RASGEF1B: variants seen among roughly 807,000 people sequenced by gnomAD.
RASGEF1B encodes RasGEF domain family member 1B.
In RASGEF1B, 30 loss-of-function variants were observed where a neutral mutation model predicts 65.7. The ratio of observed to expected loss-of-function variants is 0.46; its 90% CI spans 0.34 to 0.62. The LOEUF is 0.62. Among genes scored for constraint, RASGEF1B ranks in the 20% least tolerant of loss-of-function variants. RASGEF1B has a pLI of 0.01. For synonymous variants in RASGEF1B, 175 were observed against 194.8 expected, an observed-to-expected ratio of 0.90 and a Z score of 0.85; for missense variants, 495 against 580.1, an observed-to-expected ratio of 0.85 and a Z score of 1.51.
intron 6 of RASGEF1B, 47 bp from the exon 7 acceptor site, chr4:81,445,885 T>C (rs1722006447): frequency 7.4e-7 from 1 of 1,354,194 alleles, no homozygotes; most frequent in African/African-American, 1.4e-5. Context: ...AAAAAAACAA[T>C]GTAGTGGACT....
chr4:81,458,736 C>T (rs1163758317), intron 2 of RASGEF1B, among the ~76,000 whole-genome samples: 1 of 152,190 alleles, frequency 6.6e-6, no homozygotes, highest in Non-Finnish European at 1.5e-5. Context: ...ATACTCAACA[C>T]TCTGAATCGT....
intron 1 of RASGEF1B, among the ~76,000 whole-genome samples, chr4:81,466,674 G>T (rs545386037): frequency 1.3e-5 from 2 of 149,988 alleles, no homozygotes; most frequent in African/African-American, 4.9e-5. Flanking sequence ...CAGGAGAATT[G>T]TTTGAACCTG....
In RASGEF1B at chr4:81,471,130, G is replaced by T. The variant is rs1449119638; in HGVS notation, c.-7+640C>A. ...CCAAGTTTGCCAGGTGAACACCGAA[G>T]GATGACAGCACATCACCTTGTCGGT... On this transcript the variant is annotated intron_variant, in intron 1 of 13. Coordinates refer to ENST00000264400, the MANE Select transcript of RASGEF1B (RefSeq NM_152545.3). 3 of 152,344 alleles carry T rather than the reference G, an allele frequency of 2.0e-5. No homozygotes were observed. The East Asian group carries it at 5.8e-4, about 29-fold the overall frequency. The allele number at this position is 152,344 out of a possible 1,614,324, so 9.4% of individuals were successfully genotyped here.
chr4:81,432,475 T>G lies in RASGEF1B; in HGVS notation c.1325-104A>C, dbSNP rs1721464737. ...TGAGCCAAACTCCATAGCAAAATACTCTTCAAAATATCAAGTCATGACCAA... is the reference window on the plus strand; with the variant it reads ...TGAGCCAAACTCCATAGCAAAATACGCTTCAAAATATCAAGTCATGACCAA... On this transcript the variant is annotated intron_variant, in intron 12 of 13. Transcript: ENST00000264400. 1.2e-5 allele frequency: 8 copies of G among 652,466 alleles called. 1 individual carries two copies. The South Asian group carries it at 1.7e-4, about 13-fold the overall frequency. The allele number at this position is 652,466 out of a possible 1,614,324, so 40.4% of individuals were successfully genotyped here.
intron 1 of RASGEF1B, among the ~76,000 whole-genome samples, chr4:81,469,652 T>TACAC (rs111913026): frequency 2.8e-4 from 37 of 132,410 alleles, no homozygotes; most frequent in African/African-American, 8.3e-4. Flanking sequence ...TATGTGTATA[T>TACAC]ATACACACAC....
At chr4:81,469,284 T>C (rs2110002342) in intron 1 of RASGEF1B, among the ~76,000 whole-genome samples, 1 of 152,252 alleles carries the variant, frequency 6.6e-6, no homozygotes, top group African/African-American at 2.4e-5. Flanking sequence ...TCTAGATTCT[T>C]CTCCCAAGCA....
intron 4 of RASGEF1B, chr4:81,456,388 T>C (rs111465598): frequency 5.0e-6 from 3 of 605,464 alleles, no homozygotes; most frequent in African/African-American, 1.9e-5. Context: ...TAAAACATAC[T>C]TGCAACATAA....
chr4:81,446,290 C>T (rs141765559), intron 6 of RASGEF1B, among the ~76,000 whole-genome samples: 2 of 152,268 alleles, frequency 1.3e-5, no homozygotes, highest in Admixed American at 1.3e-4. Context: ...GCAGGAAAAT[C>T]GCTTGAACCC....
chr4:81,453,121 C>T (rs899648282), intron 4 of RASGEF1B: 2 of 152,018 alleles, frequency 1.3e-5, no homozygotes, highest in East Asian at 3.9e-4. Flanking sequence ...TTCATTCATT[C>T]ATTGATTGAC....
intron 13 of RASGEF1B, among the ~76,000 whole-genome samples, chr4:81,430,912 G>A (rs1053285772): frequency 2.6e-5 from 4 of 152,166 alleles, no homozygotes; most frequent in African/African-American, 9.7e-5. Context: ...TATCATTTAT[G>A]TGTAGCCAAT....
chr4:81,463,917 T>C (rs1722726126), intron 1 of RASGEF1B, among the ~76,000 whole-genome samples: 1 of 152,188 alleles, frequency 6.6e-6, no homozygotes, highest in African/African-American at 2.4e-5. Flanking sequence ...TTCAAAGTGC[T>C]GGGCATGAGA....
intron 8 of RASGEF1B, among the ~76,000 whole-genome samples, chr4:81,444,400 G>T (rs2109977468): frequency 6.6e-6 from 1 of 152,266 alleles, no homozygotes; most frequent in Non-Finnish European, 1.5e-5. Context: ...TGGGGGGAGA[G>T]AAAGAGGAAA....
chr4:81,453,134 A>C (rs1722323794), intron 4 of RASGEF1B: 1 of 152,178 alleles, frequency 6.6e-6, no homozygotes, highest in Admixed American at 6.5e-5. Flanking sequence ...TGATTGACTC[A>C]TTCATTCAAA....
intron 4 of RASGEF1B, chr4:81,453,350 T>C (rs1722332010): frequency 6.6e-6 from 1 of 152,188 alleles, no homozygotes; most frequent in South Asian, 2.1e-4. Context: ...CGCTCTAAGA[T>C]GGTACAGTAT....
chr4:81,444,785 T>TC lies in RASGEF1B; in HGVS notation c.928+740_928+741insG, dbSNP rs1721962107. Among the ~76,000 whole-genome samples, 5 of 152,158 alleles carry TC rather than the reference T, an allele frequency of 3.3e-5. No homozygotes were observed. In the South Asian group the frequency reaches 1.0e-3, roughly 32 times the overall value. The stretch of plus-strand genomic sequence containing the variant: ...CTCCTGACTTTGTGATCCACCCGCC[T>TC]TGCCTCCCAAAGTGCTGGGATTACA... On this transcript the variant is annotated intron_variant, in intron 8 of 13. Transcript: ENST00000264400.
At position 81,469,452 on chromosome 4, in the gene RASGEF1B, C is replaced by A. The variant is rs933580701; in HGVS notation, c.-7+2318G>T. Among the ~76,000 whole-genome samples the A allele has an allele frequency of 2.6e-5, 4 of 152,148 alleles. No homozygotes were observed. In the East Asian group the frequency reaches 7.7e-4, roughly 29 times the overall value. On this transcript the variant is annotated intron_variant, in intron 1 of 13. Coordinates refer to ENST00000264400, the MANE Select transcript of RASGEF1B (RefSeq NM_152545.3). ...AGTCATACTAGGGATCCCAGCTCCT[C>A]CCCTTCAATTTTCTTACCATGTCTT...
chr4:81,436,098 A>G (rs1721624740), intron 10 of RASGEF1B, among the ~76,000 whole-genome samples: 1 of 152,162 alleles, frequency 6.6e-6, no homozygotes, highest in South Asian at 2.1e-4. Context: ...CAAGATTTTA[A>G]GATGCATGAC....
chr4:81,464,093 TCTC>T (rs2109996475), intron 1 of RASGEF1B, among the ~76,000 whole-genome samples: 1 of 152,250 alleles, frequency 6.6e-6, no homozygotes, highest in South Asian at 2.1e-4. Context: ...CAGCAAATCT[TCTC>T]CTTTCATCTT....
At chr4:81,440,376 A>G (rs576608261) in intron 10 of RASGEF1B, among the ~76,000 whole-genome samples, 1 of 152,348 alleles carries the variant, frequency 6.6e-6, no homozygotes, top group Non-Finnish European at 1.5e-5. Context: ...CCAATTAGTA[A>G]CAGCACACCT....
Sources: allele counts gnomAD v4.1 joint callset (sites outside exome capture counted in the v4.1 genomes callset), GRCh38; gene constraint gnomAD v4.1.1; transcripts MANE v1.5; gene names NCBI Gene and HGNC (gene_info 2026-07-23, HGNC 2026-07-21).